STK39: variants seen among roughly 807,000 people sequenced by gnomAD.
STK39 encodes serine/threonine kinase 39, also known as STE20/SPS1-related proline-alanine-rich protein kinase.
Under a neutral mutation model 77.8 loss-of-function variants are expected in STK39, and 20 were observed. The ratio of observed to expected loss-of-function variants is 0.26; its 90% CI spans 0.18 to 0.37. STK39 has a LOEUF of 0.37. Among genes scored for constraint, STK39 ranks in the 10% least tolerant of loss-of-function variants. The pLI is 1.00. For synonymous variants in STK39, 246 were observed against 234.1 expected, an observed-to-expected ratio of 1.05 and a Z score of -0.47; for missense variants, 479 against 656.5, an observed-to-expected ratio of 0.73 and a Z score of 2.95.
intron 5 of STK39, among the ~76,000 whole-genome samples, chr2:168,150,050 C>T (rs541990764): frequency 6.6e-6 from 1 of 152,324 alleles, no homozygotes; most frequent in Non-Finnish European, 1.5e-5. Context: ...CACTCTAGAC[C>T]TACTGAATCA....
At chr2:167,980,230 C>T (rs1683378589) in intron 16 of STK39, among the ~76,000 whole-genome samples, 1 of 152,196 alleles carries the variant, frequency 6.6e-6, no homozygotes, top group Non-Finnish European at 1.5e-5. Context: ...AAATAAGCTT[C>T]AAGCTCTCTT....
In STK39 at chr2:168,247,375, T is replaced by TCACCGGGGCCGCCTGC; in HGVS notation, c.45_60dup (p.Thr21AlafsTer90). 2 of 1,003,092 alleles carry TCACCGGGGCCGCCTGC rather than the reference T, an allele frequency of 2.0e-6. No homozygotes were observed. The highest frequency in any genetic ancestry group is 2.5e-6 in the Non-Finnish European group (2 of 810,988). The allele number at this position is 1,003,092 out of a possible 1,614,324, so 62.1% of individuals were successfully genotyped here. A position where few individuals can be genotyped will look rare whatever the true frequency, so the allele number is the denominator to read the frequency against. ...GCCGGGGCCGCCGCCGCCGCCGCTGTCACCGGGGCCGCCTGCTGGGGAAGC... is the reference window on the plus strand; with the variant it reads ...GCCGGGGCCGCCGCCGCCGCCGCTGTCACCGGGGCCGCCTGCCACCGGGGCCGCCTGCTGGGGAAGC... On this transcript the variant is annotated frameshift_variant, in exon 1 of 18. Transcript: ENST00000355999. LOFTEE classifies it high-confidence loss of function.
At chr2:168,119,443 T>C (rs757980911) in intron 10 of STK39, among the ~76,000 whole-genome samples, 1 of 152,194 alleles carries the variant, frequency 6.6e-6, no homozygotes, top group East Asian at 1.9e-4. Flanking sequence ...TTATGTAAAA[T>C]GCAAATGGTA....
At chr2:168,245,212 T>TA (rs1329486109) in intron 1 of STK39, among the ~76,000 whole-genome samples, 2 of 152,154 alleles carry the variant, frequency 1.3e-5, no homozygotes. Flanking sequence ...AACTCAGACT[T>TA]AAAACCCAGC....
At chr2:168,140,477 T>C in intron 6 of STK39, 87 bp from the exon 7 acceptor site, 1 of 1,280,752 alleles carries the variant, frequency 7.8e-7, no homozygotes, top group South Asian at 1.2e-5. Context: ...AATCCACAGC[T>C]GTTGATGTAT....
intron 10 of STK39, among the ~76,000 whole-genome samples, chr2:168,100,527 G>A (rs1323416235): frequency 6.6e-6 from 1 of 152,178 alleles, no homozygotes; most frequent in Non-Finnish European, 1.5e-5. Flanking sequence ...GCCTCCCAAA[G>A]TGTAGGGATT....
intron 17 of STK39, 43 bp downstream of exon 17, chr2:167,964,619 A>G (rs1422444318): frequency 7.2e-6 from 11 of 1,530,544 alleles, no homozygotes; most frequent in East Asian, 2.3e-5. Context: ...CTGGCACAGC[A>G]TGGCAAAATA....
chr2:168,163,590 T>C, intron 4 of STK39, 149 bp downstream of exon 4: 5 of 1,580,310 alleles, frequency 3.2e-6, no homozygotes, highest in Non-Finnish European at 4.3e-6. Context: ...CTTTACAAAC[T>C]AGGGCTGAAG....
chr2:167,999,727 G>C (rs1683946390), intron 16 of STK39, among the ~76,000 whole-genome samples: 1 of 152,144 alleles, frequency 6.6e-6, no homozygotes, highest in Non-Finnish European at 1.5e-5. Flanking sequence ...CTCCCAAAGT[G>C]CTGGGATTAC....
At chr2:168,018,571 AAAG>A (rs1357255522) in intron 14 of STK39, among the ~76,000 whole-genome samples, 3 of 143,256 alleles carry the variant, frequency 2.1e-5, no homozygotes, top group Non-Finnish European at 3.0e-5. Context: ...AGAAAGAAAG[AAAG>A]AAAGAAAGAA....
At chr2:168,059,669 C>T (rs751221287) in intron 14 of STK39, among the ~76,000 whole-genome samples, 4 of 152,184 alleles carry the variant, frequency 2.6e-5, no homozygotes, top group Non-Finnish European at 5.9e-5. Flanking sequence ...TCCCACTCAA[C>T]TGTACCCGGA....
intron 1 of STK39, among the ~76,000 whole-genome samples, chr2:168,215,430 G>C (rs1288467124): frequency 6.6e-6 from 1 of 152,122 alleles, no homozygotes; most frequent in Admixed American, 6.6e-5. Flanking sequence ...TAAAAGCCTG[G>C]AATTAGTTCA....
intron 10 of STK39, among the ~76,000 whole-genome samples, chr2:168,119,815 AATTATAAGATTCC>A (rs1334843288): frequency 2.6e-5 from 4 of 152,360 alleles, no homozygotes; most frequent in African/African-American, 7.2e-5. Context: ...TTTATAAGTT[AATTATAAGATTCC>A]AGGAGGGGAA....
At chr2:168,238,367 AT>A (rs976554589) in intron 1 of STK39, among the ~76,000 whole-genome samples, 1 of 152,148 alleles carries the variant, frequency 6.6e-6, no homozygotes, top group African/African-American at 2.4e-5. Context: ...TAAAATGTAT[AT>A]TTTTTACCTA....
At chr2:167,968,639 C>G (rs968087120) in intron 16 of STK39, among the ~76,000 whole-genome samples, 1 of 152,106 alleles carries the variant, frequency 6.6e-6, no homozygotes, top group Non-Finnish European at 1.5e-5. Flanking sequence ...GGTTACCTGA[C>G]AAGGTGATGA....
intron 1 of STK39, among the ~76,000 whole-genome samples, chr2:168,235,770 C>A (rs1357494800): frequency 6.6e-6 from 1 of 152,008 alleles, no homozygotes; most frequent in African/African-American, 2.4e-5. Flanking sequence ...CATGTCCCTA[C>A]AAAGGACATG....
rs146905902 is a variant in STK39, at chr2:167,958,113, C to T, written c.1564-2543G>A. On this transcript the variant is annotated intron_variant, in intron 17 of 17. Coordinates refer to ENST00000355999, the MANE Select transcript of STK39 (RefSeq NM_013233.3). ...AAATTCAGAGAAAGGAACCAATGACCCTTCAAAACAGCAATGTTCAAACTT... is the reference window on the plus strand; with the variant it reads ...AAATTCAGAGAAAGGAACCAATGACTCTTCAAAACAGCAATGTTCAAACTT... 6.5e-3 allele frequency among the ~76,000 whole-genome samples: 985 copies of T among 152,256 alleles called. 12 individuals carry two copies. Among genetic ancestry groups the T allele is most frequent in the African/African-American group, 0.023 (937 of 41,536 alleles).
At chr2:168,116,329 T>A (rs1159837963) in intron 10 of STK39, among the ~76,000 whole-genome samples, 1 of 152,182 alleles carries the variant, frequency 6.6e-6, no homozygotes, top group African/African-American at 2.4e-5. Flanking sequence ...TATGTCTATA[T>A]GTGAAGAACA....
At chr2:168,191,235 A>G (rs1354253984) in intron 1 of STK39, among the ~76,000 whole-genome samples, 1 of 152,194 alleles carries the variant, frequency 6.6e-6, no homozygotes, top group African/African-American at 2.4e-5. Context: ...TGACATGCGG[A>G]CAATACCCAG....
Sources: gnomAD v4.1 joint callset for allele counts (sites outside exome capture counted in the v4.1 genomes callset) on GRCh38, gnomAD v4.1.1 for gene constraint, MANE v1.5 for transcripts, NCBI Gene and HGNC (gene_info 2026-07-23, HGNC 2026-07-21) for gene names.